BPIFA2: variants seen among roughly 807,000 people sequenced by gnomAD.
BPIFA2 encodes the protein BPI fold containing family A member 2, also known as BPI fold-containing family A member 2.
BPIFA2 carries 20 observed loss-of-function variants against 25.7 expected under a neutral mutation model. The observed-to-expected ratio is 0.78, with a 90% CI of 0.55 to 1.13. BPIFA2 has a LOEUF of 1.13. Ranked by LOEUF, BPIFA2 falls within the 50% of genes most tolerant of loss-of-function variation. The pLI, the probability that BPIFA2 is intolerant of heterozygous loss-of-function variation, is 0.00. For missense variants in BPIFA2, 300 were observed against 298.1 expected (o/e 1.01, Z -0.05); for synonymous variants, 126 against 124.3 (o/e 1.01, Z -0.09).
intron 2 of BPIFA2, among the ~76,000 whole-genome samples, 182 bp downstream of exon 2, chr20:33,169,484 C>T (rs1333846759): frequency 6.6e-6 from 1 of 152,160 alleles, no homozygotes; most frequent in Non-Finnish European, 1.5e-5. Flanking sequence ...AATGAATAGC[C>T]TTTTACATAT....
chr20:33,179,820 G>C (rs1449922955), intron 7 of BPIFA2, among the ~76,000 whole-genome samples, 153 bp downstream of exon 7: 7 of 152,172 alleles, frequency 4.6e-5, no homozygotes, highest in African/African-American at 1.4e-4. Flanking sequence ...CAGGCACCCG[G>C]GGGCTCCCTT....
intron 3 of BPIFA2, 116 bp downstream of exon 3, chr20:33,173,192 G>A (rs1204468150): frequency 7.6e-7 from 1 of 1,321,332 alleles, no homozygotes. Context: ...CTCCCACAGA[G>A]CCAAGGTGGT....
chr20:33,180,388 A>G, intron 7 of BPIFA2, 132 bp from the exon 8 acceptor site: 1 of 921,180 alleles, frequency 1.1e-6, no homozygotes, highest in Non-Finnish European at 1.8e-6. Context: ...TGAAGCTCAG[A>G]GAGGTGGAGC....
intron 4 of BPIFA2, 124 bp from the exon 5 acceptor site, chr20:33,175,283 T>C (rs1337117989): frequency 1.0e-6 from 1 of 956,540 alleles, no homozygotes. Flanking sequence ...ATGTTGATAT[T>C]ACCTGGGCCA....
chr20:33,171,199 T>C (rs1410415877), intron 2 of BPIFA2, among the ~76,000 whole-genome samples: 1 of 152,236 alleles, frequency 6.6e-6, no homozygotes, highest in Non-Finnish European at 1.5e-5. Flanking sequence ...TTGCTTAGGA[T>C]TGTCTTGCTA....
At chr20:33,162,122 A>T (rs1261984607) in intron 1 of BPIFA2, among the ~76,000 whole-genome samples, 1 of 152,140 alleles carries the variant, frequency 6.6e-6, no homozygotes, top group Non-Finnish European at 1.5e-5. Flanking sequence ...CTGGGACTAC[A>T]GGCACCTGCC....
chr20:33,167,450 G>A (rs545387144), upstream of BPIFA2, among the ~76,000 whole-genome samples: 9 of 152,292 alleles, frequency 5.9e-5, no homozygotes, highest in South Asian at 1.9e-3. Context: ...TTCCCTGGTG[G>A]CCCAAATGCC....
At chr20:33,168,474 G>A (rs1234131845) in intron 1 of BPIFA2, among the ~76,000 whole-genome samples, 1 of 152,086 alleles carries the variant, frequency 6.6e-6, no homozygotes, top group East Asian at 1.9e-4. Context: ...AGTAAATTTA[G>A]AGATCTATAG....
At chr20:33,164,044 C>T (rs1299031441), upstream of BPIFA2, among the ~76,000 whole-genome samples, 1 of 152,062 alleles carries the variant, frequency 6.6e-6, no homozygotes, top group Non-Finnish European at 1.5e-5. Flanking sequence ...ATGGGCCGAT[C>T]GAATCAGCTC....
At chr20:33,163,999 G>C (rs984155379), upstream of BPIFA2, among the ~76,000 whole-genome samples, 6 of 152,082 alleles carry the variant, frequency 3.9e-5, no homozygotes, top group African/African-American at 1.4e-4. Flanking sequence ...GTTGCTGGGA[G>C]GAGTAAATGG....
At chr20:33,165,057 T>G (rs185919017), upstream of BPIFA2, among the ~76,000 whole-genome samples, 1 of 152,326 alleles carries the variant, frequency 6.6e-6, no homozygotes, top group East Asian at 1.9e-4. Context: ...GCTGAAAGAA[T>G]AAACTGTGTC....
chr20:33,180,494 G>T, intron 7 of BPIFA2, 26 bp from the exon 8 acceptor site: 4 of 1,608,154 alleles, frequency 2.5e-6, no homozygotes, highest in Non-Finnish European at 3.4e-6. Context: ...AGAGACTAAG[G>T]CCTGCTATTG....
At chr20:33,179,227 C>T (rs370206945) in intron 6 of BPIFA2, among the ~76,000 whole-genome samples, 1 of 151,986 alleles carries the variant, frequency 6.6e-6, no homozygotes, top group East Asian at 1.9e-4. Flanking sequence ...GTCAGGAGTT[C>T]AAGACCAGCC....
chr20:33,169,867 G>C (rs1318798903), intron 2 of BPIFA2, among the ~76,000 whole-genome samples: 1 of 152,110 alleles, frequency 6.6e-6, no homozygotes, highest in African/African-American at 2.4e-5. Flanking sequence ...GAAAATTAAG[G>C]AAATTATCCC....
At chr20:33,172,358 A>T (rs1983923809) in intron 2 of BPIFA2, among the ~76,000 whole-genome samples, 1 of 152,192 alleles carries the variant, frequency 6.6e-6, no homozygotes, top group Non-Finnish European at 1.5e-5. Context: ...ATACCTATGT[A>T]ACAAACCTGC....
chr20:33,169,056 G>A (rs1484166315), intron 1 of BPIFA2, 75 bp from the exon 2 acceptor site: 1 of 1,256,326 alleles, frequency 8.0e-7, no homozygotes, highest in East Asian at 2.3e-5. Context: ...TAAATGTTAA[G>A]AGTGATGGGA....
upstream of BPIFA2, among the ~76,000 whole-genome samples, chr20:33,167,094 G>A (rs957159941): frequency 6.6e-6 from 1 of 152,216 alleles, no homozygotes; most frequent in Admixed American, 6.5e-5. Context: ...GTGGAGCCAT[G>A]GTCAGTGTAG....
chr20:33,167,955 G>A (rs764257449), upstream of BPIFA2, among the ~76,000 whole-genome samples: 13 of 152,184 alleles, frequency 8.5e-5, no homozygotes, highest in Admixed American at 2.0e-4. Flanking sequence ...TAGTCTTGGC[G>A]GAAAGCCCTC....
chr20:33,170,013 TAGGAGG>T (rs1983847538), intron 2 of BPIFA2, among the ~76,000 whole-genome samples: 1 of 152,184 alleles, frequency 6.6e-6, no homozygotes, highest in Non-Finnish European at 1.5e-5. Flanking sequence ...ACAGTTTTTG[TAGGAGG>T]AGGTAACTTC....
Sources: gnomAD v4.1 joint callset for allele counts (sites outside exome capture counted in the v4.1 genomes callset) on GRCh38, gnomAD v4.1.1 for gene constraint, MANE v1.5 for transcripts, NCBI Gene and HGNC (gene_info 2026-07-23, HGNC 2026-07-21) for gene names.